Variants in CDH13 observed in about 807,000 individuals in gnomAD.
CDH13 encodes the protein cadherin-13.
Under a neutral mutation model 63.8 loss-of-function variants are expected in CDH13, and 24 were observed. The ratio of observed to expected loss-of-function variants is 0.38; its 90% CI spans 0.27 to 0.53. CDH13 has a LOEUF of 0.53. Among genes scored for constraint, CDH13 ranks in the 20% least tolerant of loss-of-function variants. The pLI, the probability that CDH13 is intolerant of heterozygous loss-of-function variation, is 0.85. For synonymous variants in CDH13, 503 were observed against 355.3 expected, an observed-to-expected ratio of 1.42 and a Z score of -4.67; for missense variants, 1,049 against 903.1, an observed-to-expected ratio of 1.16 and a Z score of -2.07.
At chr16:83,245,906 C>A (rs775700617) in intron 5 of CDH13, among the ~76,000 whole-genome samples, 1 of 152,038 alleles carries the variant, frequency 6.6e-6, no homozygotes, top group Non-Finnish European at 1.5e-5. Context: ...CCATACCCAG[C>A]TTGTATTTTT....
At chr16:83,545,817 C>T (rs1047014077) in intron 7 of CDH13, among the ~76,000 whole-genome samples, 19 of 152,124 alleles carry the variant, frequency 1.2e-4, no homozygotes, top group African/African-American at 4.3e-4. Context: ...AATAATGCCT[C>T]CTGTCTGCAG....
At chr16:82,805,991 C>G (rs1369778686) in intron 1 of CDH13, among the ~76,000 whole-genome samples, 1 of 152,170 alleles carries the variant, frequency 6.6e-6, no homozygotes, top group Non-Finnish European at 1.5e-5. Flanking sequence ...CCCTAGGTTT[C>G]TATCTAATTT....
At chr16:83,297,076 G>A (rs1376535126) in intron 5 of CDH13, among the ~76,000 whole-genome samples, 5 of 152,182 alleles carry the variant, frequency 3.3e-5, no homozygotes, top group Admixed American at 6.5e-5. Context: ...ATTTTAATAA[G>A]CATGGGGGGA....
rs116638378 is a variant in CDH13 at position 83,299,020 on chromosome 16, A to G, written c.637-45842A>G. On this transcript the variant is annotated intron_variant, in intron 5 of 13. Coordinates refer to ENST00000567109, the MANE Select transcript of CDH13 (RefSeq NM_001257.5). ...TATAAAGCATGAGTAAAAATAACCAATATTCCTACCACCAAAAGATAAGCA... is the reference window on the plus strand; with the variant it reads ...TATAAAGCATGAGTAAAAATAACCAGTATTCCTACCACCAAAAGATAAGCA... Among the ~76,000 whole-genome samples, 610 of 152,342 alleles carry G rather than the reference A, an allele frequency of 4.0e-3. 4 individuals carry two copies. The highest frequency in any genetic ancestry group is 0.011 in the African/African-American group (437 of 41,578).
rs1470242748 is a variant in CDH13, at chr16:83,486,666, A to G, written c.960+11A>G. 1.2e-6 allele frequency: 2 copies of G among 1,611,856 alleles called. No homozygotes were observed. Among genetic ancestry groups the G allele is most frequent in the Non-Finnish European group, 8.5e-7 (1 of 1,178,148 alleles). Reference sequence around the variant, plus strand: ...CTGCTGGACCGAGAGGTGAGCTGAAAAGAATACACTTTCTTTTTCACGAGA... The same window carrying G: ...CTGCTGGACCGAGAGGTGAGCTGAAGAGAATACACTTTCTTTTTCACGAGA... On this transcript the variant is annotated intron_variant, in intron 7 of 13. Transcript: ENST00000567109.
intron 1 of CDH13, among the ~76,000 whole-genome samples, chr16:82,839,146 C>G (rs1483455389): frequency 2.0e-5 from 3 of 152,180 alleles, no homozygotes; most frequent in Non-Finnish European, 4.4e-5. Context: ...GGGACAAGAA[C>G]TCAGAGGGAG....
chr16:82,988,326 T>C (rs1436451644), intron 2 of CDH13, among the ~76,000 whole-genome samples: 1 of 151,934 alleles, frequency 6.6e-6, no homozygotes, highest in African/African-American at 2.4e-5. Context: ...ATGTTTTTTG[T>C]TTTTTTTCTT....
At chr16:83,337,265 A>G (rs2090619548) in intron 5 of CDH13, among the ~76,000 whole-genome samples, 1 of 152,132 alleles carries the variant, frequency 6.6e-6, no homozygotes, top group Admixed American at 6.5e-5. Flanking sequence ...GAGTAGAGGA[A>G]CCCAGGTGCT....
At chr16:82,905,432 CGTGTGTGTGTGTGTGT>C (rs140795057) in intron 2 of CDH13, among the ~76,000 whole-genome samples, 3 of 143,530 alleles carry the variant, frequency 2.1e-5, no homozygotes, top group East Asian at 4.0e-4. Flanking sequence ...ATGAATCACA[CGTGTGTGTGTGTGTGT>C]GTGTGTGTGT....
At chr16:83,739,215 AT>A (rs1434862044) in intron 10 of CDH13, among the ~76,000 whole-genome samples, 1 of 152,020 alleles carries the variant, frequency 6.6e-6, no homozygotes, top group Non-Finnish European at 1.5e-5. Flanking sequence ...GGAGTCAAGA[AT>A]TTTGCTAATG....
chr16:83,679,684 G>A (rs1273083878), intron 10 of CDH13, among the ~76,000 whole-genome samples: 1 of 152,178 alleles, frequency 6.6e-6, no homozygotes, highest in Admixed American at 6.5e-5. Flanking sequence ...CAAAGAGAGA[G>A]TCTTTCTTAA....
At chr16:83,023,019 G>A (rs796713074) in intron 2 of CDH13, 1 of 152,134 alleles carries the variant, frequency 6.6e-6, no homozygotes, top group African/African-American at 2.4e-5. Flanking sequence ...TTAGATGGTA[G>A]GAAATCTATG....
At chr16:83,508,319 TAGAG>T (rs907693359) in intron 7 of CDH13, 5 of 154,546 alleles carry the variant, frequency 3.2e-5, no homozygotes, top group African/African-American at 1.2e-4. Context: ...GGTAAAAAAT[TAGAG>T]AGAAGTTTTG....
intron 5 of CDH13, among the ~76,000 whole-genome samples, chr16:83,337,750 A>G (rs1267809607): frequency 1.3e-5 from 2 of 149,038 alleles, no homozygotes; most frequent in African/African-American, 2.5e-5. Context: ...GATGCTACAT[A>G]ATATACAGAC....
chr16:83,581,699 G>A (rs556028395), intron 7 of CDH13, among the ~76,000 whole-genome samples: 1 of 152,274 alleles, frequency 6.6e-6, no homozygotes, highest in South Asian at 2.1e-4. Context: ...TGCCCTTGTA[G>A]TCCCAGCTGC....
chr16:83,125,800 T>C (rs191314071), intron 4 of CDH13, among the ~76,000 whole-genome samples: 2 of 152,310 alleles, frequency 1.3e-5, no homozygotes, highest in Non-Finnish European at 2.9e-5. Context: ...TAGATTATAT[T>C]CAGGTGATCA....
chr16:83,778,525 C>T lies in CDH13; in HGVS notation c.1682-1443C>T, dbSNP rs546216046. Among the ~76,000 whole-genome samples, 727 of 80,392 alleles carry T rather than the reference C, an allele frequency of 9.0e-3. 8 individuals are homozygous for T. Among genetic ancestry groups the T allele is most frequent in the African/African-American group, 0.039 (678 of 17,480 alleles). The allele number at this position is 80,392 out of a possible 152,430, so 52.7% of individuals were successfully genotyped here. On this transcript the variant is annotated intron_variant, in intron 11 of 13. Coordinates refer to ENST00000567109, the MANE Select transcript of CDH13 (RefSeq NM_001257.5). ...AGCCTGGGTGACAGAGTGAGACTCA[C>T]CAAAAAAAAAAAAGAAAGAAAGACA...
intron 8 of CDH13, among the ~76,000 whole-genome samples, chr16:83,632,636 T>G (rs566820928): frequency 6.6e-6 from 1 of 150,868 alleles, no homozygotes; most frequent in African/African-American, 2.4e-5. Flanking sequence ...TTACTGATAA[T>G]GATCAATAGA....
At position 83,129,362 on chromosome 16, in the gene CDH13, C is replaced by T. The variant is rs570071146; in HGVS notation, c.483+3861C>T. 1.2e-3 allele frequency among the ~76,000 whole-genome samples: 180 copies of T among 152,256 alleles called. 1 individual carries two copies. Among genetic ancestry groups the T allele is most frequent in the Non-Finnish European group, 1.9e-3 (127 of 68,026 alleles). Reference sequence around the variant, plus strand: ...ATAAAGACGTTTGTCTTTGGCTTCCCCTAGAAGTGGACCGCAAGACAAGAA... The same window carrying T: ...ATAAAGACGTTTGTCTTTGGCTTCCTCTAGAAGTGGACCGCAAGACAAGAA... On this transcript the variant is annotated intron_variant, in intron 4 of 13. Transcript: ENST00000567109.
Sources: gnomAD v4.1 joint callset for allele counts (sites outside exome capture counted in the v4.1 genomes callset) on GRCh38, gnomAD v4.1.1 for gene constraint, MANE v1.5 for transcripts, NCBI Gene and HGNC (gene_info 2026-07-23, HGNC 2026-07-21) for gene names.